The following HEXB variants were observed in gnomAD, a reference collection of about 807,000 sequenced individuals.
The protein encoded by HEXB is beta-hexosaminidase subunit beta.
A neutral mutation model predicts 71.2 loss-of-function variants in HEXB; 51 were observed. The ratio of observed to expected loss-of-function variants is 0.72; its 90% confidence interval spans 0.57 to 0.90. The LOEUF (loss-of-function observed/expected upper bound fraction) is 0.90, where lower values mean the gene tolerates loss of function less well. Among genes scored for constraint, HEXB ranks in the 40% least tolerant of loss-of-function variants. The pLI is 0.00. For missense variants in HEXB, 617 were observed against 677.0 expected (o/e 0.91, Z 0.98); for synonymous variants, 266 against 249.3 (o/e 1.07, Z -0.63).
intron 6 of HEXB, among the ~76,000 whole-genome samples, chr5:74,706,684 T>C (rs1331471197): frequency 6.6e-6 from 1 of 152,322 alleles, no homozygotes; most frequent in South Asian, 2.1e-4. Context: ...GCACGGAGTC[T>C]CGCTGATTGC....
intron 6 of HEXB, chr5:74,705,596 A>T: frequency 2.4e-6 from 1 of 410,740 alleles, no homozygotes; most frequent in South Asian, 2.6e-5. Flanking sequence ...ATAATTCTCA[A>T]ATTACATATG....
intron 1 of HEXB, among the ~76,000 whole-genome samples, chr5:74,643,896 C>CT: frequency 6.6e-6 from 1 of 152,308 alleles, no homozygotes; most frequent in South Asian, 2.1e-4. Flanking sequence ...AAAGCGCCCT[C>CT]TTTGTTTTAT....
At chr5:74,684,996 A>C (rs373388258), upstream of HEXB, 35 of 482,200 alleles carry the variant, frequency 7.3e-5, no homozygotes, top group South Asian at 6.3e-4. Flanking sequence ...CATTTTTCTT[A>C]CTTTAGCCAT....
intron 11 of HEXB, among the ~76,000 whole-genome samples, chr5:74,719,789 A>C (rs1421654324): frequency 6.6e-6 from 1 of 152,080 alleles, no homozygotes; most frequent in African/African-American, 2.4e-5. Context: ...TAAAAATACA[A>C]AAATTAGCCG....
chr5:74,661,742 A>G (rs909650216), intron 1 of HEXB, among the ~76,000 whole-genome samples: 1 of 152,220 alleles, frequency 6.6e-6, no homozygotes, highest in Non-Finnish European at 1.5e-5. Flanking sequence ...AGGAAATCCA[A>G]TACGTAAAAT....
At chr5:74,679,819 A>G (rs2112114086) in intron 1 of HEXB, among the ~76,000 whole-genome samples, 1 of 131,184 alleles carries the variant, frequency 7.6e-6, no homozygotes, top group East Asian at 2.2e-4. Context: ...AAAAAAAAAA[A>G]AAAAAAGTAT....
At position 74,711,070 on chromosome 5, in the gene HEXB, C is replaced by T. The variant is rs1455775797; in HGVS notation, c.772-2436C>T. Among the ~76,000 whole-genome samples the T allele has an allele frequency of 4.2e-3, 634 of 150,484 alleles. 5 individuals are homozygous for T. Among genetic ancestry groups the T allele is most frequent in the African/African-American group, 0.014 (593 of 41,004 alleles). On this transcript the variant is annotated intron_variant, in intron 6 of 13. Coordinates refer to ENST00000261416, the MANE Select transcript of HEXB (RefSeq NM_000521.4). ...CTACAGTAACCAAAACAGCATGGTA[C>T]TGGTACCAAAACAGAGATATAGATC...
At chr5:74,691,233 A>C (rs1748996659) in intron 2 of HEXB, among the ~76,000 whole-genome samples, 1 of 152,214 alleles carries the variant, frequency 6.6e-6, no homozygotes, top group Non-Finnish European at 1.5e-5. Flanking sequence ...CAAGATATCA[A>C]ATGTCCAGAG....
upstream of HEXB, chr5:74,685,220 G>T: frequency 6.8e-7 from 1 of 1,471,776 alleles, no homozygotes; most frequent in Non-Finnish European, 8.9e-7. Flanking sequence ...GGGTCCCGAG[G>T]CTCCGGCTCG....
At chr5:74,685,141 C>T, upstream of HEXB, 5 of 1,073,540 alleles carry the variant, frequency 4.7e-6, no homozygotes, top group Non-Finnish European at 2.5e-6. Flanking sequence ...GGGGCGGGCG[C>T]GCGCAGTCAT....
intron 1 of HEXB, among the ~76,000 whole-genome samples, chr5:74,678,605 C>T (rs935760013): frequency 6.6e-6 from 1 of 151,538 alleles, no homozygotes; most frequent in Non-Finnish European, 1.5e-5. Context: ...AAAAACAAAA[C>T]TATAAAAGCC....
chr5:74,677,706 T>A (rs1748661951), intron 1 of HEXB, among the ~76,000 whole-genome samples: 1 of 152,084 alleles, frequency 6.6e-6, no homozygotes, highest in Non-Finnish European at 1.5e-5. Flanking sequence ...TATTATTATT[T>A]TTTATGCTTT....
chr5:74,708,251 G>A (rs1406759264), intron 6 of HEXB, among the ~76,000 whole-genome samples: 9 of 151,800 alleles, frequency 5.9e-5, no homozygotes, highest in Non-Finnish European at 1.2e-4. Context: ...GAGAGATTTT[G>A]TCACCACCAG....
At chr5:74,707,211 A>G (rs1192590690) in intron 6 of HEXB, among the ~76,000 whole-genome samples, 7 of 152,228 alleles carry the variant, frequency 4.6e-5, no homozygotes, top group African/African-American at 1.4e-4. Flanking sequence ...GCAAACTCCA[A>G]CAGACCTGCA....
chr5:74,721,215 A>C lies in HEXB; in HGVS notation c.*40A>C, dbSNP rs184908092. On this transcript the variant is annotated 3_prime_UTR_variant, in exon 14 of 14. Coordinates refer to ENST00000261416, the MANE Select transcript of HEXB (RefSeq NM_000521.4). ...AAAGGCCACAGCAATCTGTACTACA[A>C]TCAACTTTATTTTGAAATCATGTAA... is the stretch of plus-strand genomic sequence containing the variant. 1,025 of 1,426,670 alleles carry C rather than the reference A, an allele frequency of 7.2e-4. 6 individuals carry two copies. The African/African-American group carries it at 0.013, about 18-fold the overall frequency. 88.4% of individuals were successfully genotyped at this position (1,426,670 alleles called of 1,614,324 possible).
At chr5:74,713,461 A>T (rs1368394986) in intron 6 of HEXB, 45 bp from the exon 7 acceptor site, 1 of 1,595,770 alleles carries the variant, frequency 6.3e-7, no homozygotes, top group East Asian at 2.2e-5. Flanking sequence ...TCCAGGATCA[A>T]ATCTACGTTG....
rs768658630 is a variant in HEXB, at chr5:74,662,333, C to A, written c.-377+21775C>A. 3.3e-5 allele frequency among the ~76,000 whole-genome samples: 5 copies of A among 152,158 alleles called. No homozygotes were observed. The South Asian group carries it at 1.0e-3, about 31-fold the overall frequency. On this transcript the variant is annotated intron_variant, in intron 1 of 13. Coordinates refer to the HEXB transcript ENST00000511181. Reference sequence around the variant, plus strand: ...CACAGTATAATTTCCATAATTATTTCTAATAATTGAAATGCTTCTTTGCCC... The same window carrying A: ...CACAGTATAATTTCCATAATTATTTATAATAATTGAAATGCTTCTTTGCCC...
chr5:74,709,868 A>G (rs377756339), intron 6 of HEXB, among the ~76,000 whole-genome samples: 3 of 152,100 alleles, frequency 2.0e-5, no homozygotes, highest in East Asian at 1.9e-4. Context: ...ACAAGGAGGA[A>G]CTGGTACCAT....
At chr5:74,693,914 C>T (rs1025820009) in intron 3 of HEXB, among the ~76,000 whole-genome samples, 5 of 152,110 alleles carry the variant, frequency 3.3e-5, no homozygotes, top group East Asian at 1.9e-4. Context: ...CCCAGCACTT[C>T]GAGAGGCTGA....
Sources: gnomAD v4.1 joint callset for allele counts (sites outside exome capture counted in the v4.1 genomes callset) on GRCh38, gnomAD v4.1.1 for gene constraint, MANE v1.5 for transcripts, NCBI Gene and HGNC (gene_info 2026-07-23, HGNC 2026-07-21) for gene names.